Variants in TUSC3 observed in about 807,000 individuals in gnomAD.
TUSC3 encodes the protein dolichyl-diphosphooligosaccharide--protein glycosyltransferase subunit TUSC3.
In TUSC3, 45 loss-of-function variants were observed where a neutral mutation model predicts 44.8. That is an observed-to-expected ratio of 1.00 (90% CI 0.79 to 1.29). The LOEUF (loss-of-function observed/expected upper bound fraction) is 1.29. TUSC3 is among the 50% of genes most tolerant of loss of function. The pLI is 0.00. For missense variants in TUSC3, 519 were observed against 437.9 expected (o/e 1.19, Z -1.65); for synonymous variants, 212 against 152.9 (o/e 1.39, Z -2.85).
At chr8:15,480,563 G>A (rs1356552115) in intron 1 of TUSC3, among the ~76,000 whole-genome samples, 2 of 152,130 alleles carry the variant, frequency 1.3e-5, no homozygotes, top group African/African-American at 2.4e-5. Context: ...CTTAATTTGT[G>A]ATTTTTTATT....
At chr8:15,576,387 G>A (rs561857300) in intron 1 of TUSC3, among the ~76,000 whole-genome samples, 1 of 145,802 alleles carries the variant, frequency 6.9e-6, no homozygotes, top group African/African-American at 2.5e-5. Flanking sequence ...GTATACATGT[G>A]CCATGCTGGT....
intron 2 of TUSC3, among the ~76,000 whole-genome samples, chr8:15,646,119 G>C (rs938273283): frequency 5.3e-5 from 8 of 152,110 alleles, no homozygotes; most frequent in African/African-American, 1.9e-4. Flanking sequence ...TTCTGTTTCA[G>C]ACATTTCCAT....
chr8:15,615,838 G>GA (rs1160506483), intron 1 of TUSC3, among the ~76,000 whole-genome samples: 1 of 152,084 alleles, frequency 6.6e-6, no homozygotes, highest in African/African-American at 2.4e-5. Context: ...GTACTGAAAT[G>GA]AAAAAATGAA....
the TUSC3 span, among the ~76,000 whole-genome samples, chr8:15,826,682 A>G: frequency 2.6e-5 from 4 of 152,312 alleles, no homozygotes; most frequent in South Asian, 4.1e-4. Flanking sequence ...ATGCTGTCAC[A>G]TAGGAGTCAG....
At chr8:15,636,317 A>G (rs1806073362) in intron 2 of TUSC3, among the ~76,000 whole-genome samples, 1 of 152,152 alleles carries the variant, frequency 6.6e-6, no homozygotes, top group African/African-American at 2.4e-5. Context: ...AGTTAGGGAT[A>G]AAGTTTGCTA....
intron 2 of TUSC3, among the ~76,000 whole-genome samples, chr8:15,647,345 A>T (rs1043775724): frequency 2.6e-5 from 4 of 152,152 alleles, no homozygotes; most frequent in Non-Finnish European, 4.4e-5. Flanking sequence ...CAAAATTATG[A>T]TACATTTTAA....
At chr8:15,471,512 CTTAAA>C (rs139099060) in intron 1 of TUSC3, among the ~76,000 whole-genome samples, 8,890 of 151,960 alleles carry the variant, frequency 0.059, 284 homozygotes, top group South Asian at 0.11. Context: ...AATGAGATTT[CTTAAA>C]TTAACTTAAA....
At chr8:15,547,101 C>T (rs1041158114) in intron 1 of TUSC3, among the ~76,000 whole-genome samples, 3 of 151,428 alleles carry the variant, frequency 2.0e-5, no homozygotes, top group African/African-American at 7.3e-5. Flanking sequence ...TGTAAAGATA[C>T]CTACCAAGTT....
At chr8:15,422,322 G>T (rs575228764) in intron 1 of TUSC3, among the ~76,000 whole-genome samples, 2 of 152,070 alleles carry the variant, frequency 1.3e-5, no homozygotes, top group Non-Finnish European at 2.9e-5. Flanking sequence ...GTTCCATTCT[G>T]TTGTTTAACC....
At chr8:15,818,199 C>T in the TUSC3 span, among the ~76,000 whole-genome samples, 3 of 152,072 alleles carry the variant, frequency 2.0e-5, no homozygotes, top group Non-Finnish European at 2.9e-5. Context: ...CATTCTCAGT[C>T]GTTACATTAA....
chr8:15,440,509 G>A (rs139246795), intron 1 of TUSC3, among the ~76,000 whole-genome samples: 25 of 152,292 alleles, frequency 1.6e-4, no homozygotes, highest in African/African-American at 5.3e-4. Flanking sequence ...TGATGTTGCC[G>A]TGTGAAGGAT....
intron 1 of TUSC3, among the ~76,000 whole-genome samples, chr8:15,479,134 A>AT (rs914472852): frequency 3.0e-4 from 46 of 151,650 alleles, no homozygotes; most frequent in African/African-American, 1.1e-3. Context: ...GGGTTGTTTG[A>AT]TTTTTTTCTT....
At chr8:15,492,261 A>C (rs2129125932) in intron 2 of TUSC3, among the ~76,000 whole-genome samples, 1 of 152,302 alleles carries the variant, frequency 6.6e-6, no homozygotes, top group South Asian at 2.1e-4. Flanking sequence ...CACGAACTCA[A>C]GAAGAGCCTG....
At chr8:15,561,776 G>C (rs571484224) in intron 1 of TUSC3, 1 of 151,246 alleles carries the variant, frequency 6.6e-6, no homozygotes, top group African/African-American at 2.4e-5. Flanking sequence ...TCCAGGTGCC[G>C]TCCGTCACCC....
chr8:15,504,013 CAAAAAAA>C lies in TUSC3; in HGVS notation n.189+20544_189+20550del, dbSNP rs11330340. Among the ~76,000 whole-genome samples, 487 of 113,126 alleles carry C rather than the reference CAAAAAAA, an allele frequency of 4.3e-3. 6 individuals carry two copies. The highest frequency in any genetic ancestry group is 0.016 in the African/African-American group (464 of 28,448). 74.2% of individuals were successfully genotyped at this position (113,126 alleles called of 152,430 possible). Reference sequence around the variant, plus strand: ...TGGGCAACAGAGTGAGACTCTGTCTCAAAAAAAAAAAAAAAAAAAATTCTGTAGAAAA... The same window carrying C: ...TGGGCAACAGAGTGAGACTCTGTCTCAAAAAAAAAAAAATTCTGTAGAAAA... On this transcript the variant is annotated intron_variant and non_coding_transcript_variant, in intron 2 of 5. Coordinates refer to the TUSC3 transcript ENST00000503191.
At chr8:15,718,649 C>A (rs553452665) in intron 6 of TUSC3, among the ~76,000 whole-genome samples, 1 of 152,100 alleles carries the variant, frequency 6.6e-6, no homozygotes, top group Non-Finnish European at 1.5e-5. Context: ...ATGTATTTTT[C>A]TTATAATTAA....
chr8:15,604,475 A>G (rs138575666), intron 1 of TUSC3, among the ~76,000 whole-genome samples: 215 of 151,794 alleles, frequency 1.4e-3, no homozygotes, highest in African/African-American at 4.2e-3. Flanking sequence ...AGTTCCCCAA[A>G]TTCTCAAAAT....
the TUSC3 span, among the ~76,000 whole-genome samples, chr8:15,809,173 C>T: frequency 6.6e-6 from 1 of 152,064 alleles, no homozygotes; most frequent in Non-Finnish European, 1.5e-5. Flanking sequence ...AGATGGAGGG[C>T]TCAGGGCAAG....
chr8:15,657,235 C>A (rs1585200016), intron 3 of TUSC3, among the ~76,000 whole-genome samples: 1 of 152,126 alleles, frequency 6.6e-6, no homozygotes, highest in South Asian at 2.1e-4. Context: ...GAGAGTTTTC[C>A]AAATCTTTAT....
Sources: allele counts gnomAD v4.1 joint callset (sites outside exome capture counted in the v4.1 genomes callset), GRCh38; gene constraint gnomAD v4.1.1; transcripts MANE v1.5; gene names NCBI Gene and HGNC (gene_info 2026-07-23, HGNC 2026-07-21).